Variants in TMCO4 observed in about 807,000 individuals in gnomAD.
TMCO4 encodes transmembrane and coiled-coil domains 4.
A neutral mutation model predicts 64.7 loss-of-function variants in TMCO4; 58 were observed. The ratio of observed to expected loss-of-function variants is 0.90; its 90% CI spans 0.73 to 1.12. The LOEUF (loss-of-function observed/expected upper bound fraction) is 1.12, where lower values mean the gene tolerates loss of function less well. TMCO4 is among the 50% of genes most tolerant of loss of function. TMCO4 has a pLI of 0.00. For synonymous variants in TMCO4, 325 were observed against 346.1 expected (o/e 0.94, Z 0.68); for missense variants, 780 against 825.9 (o/e 0.94, Z 0.68).
chr1:19,689,432 G>A (rs2100540866), intron 15 of TMCO4, among the ~76,000 whole-genome samples: 1 of 152,324 alleles, frequency 6.6e-6, no homozygotes, highest in East Asian at 1.9e-4. Context: ...AGGCCGGGAG[G>A]GACTAGGATT....
chr1:19,719,360 C>T (rs1460422218), intron 13 of TMCO4, among the ~76,000 whole-genome samples: 2 of 152,188 alleles, frequency 1.3e-5, no homozygotes, highest in African/African-American at 4.8e-5. Context: ...CCCTCACAGA[C>T]AGGAGAAATA....
intron 6 of TMCO4, among the ~76,000 whole-genome samples, chr1:19,769,228 TG>T (rs1011250070): frequency 1.3e-5 from 2 of 152,186 alleles, no homozygotes; most frequent in Admixed American, 6.5e-5. Context: ...AGGGCTGAGA[TG>T]TCACTTCTGA....
At chr1:19,759,702 T>A (rs549591942) in intron 6 of TMCO4, among the ~76,000 whole-genome samples, 1 of 152,070 alleles carries the variant, frequency 6.6e-6, no homozygotes, top group Non-Finnish European at 1.5e-5. Flanking sequence ...AAATATCACT[T>A]CCTTAGAGAA....
intron 6 of TMCO4, among the ~76,000 whole-genome samples, chr1:19,767,807 G>C (rs1334766297): frequency 1.3e-5 from 2 of 152,108 alleles, no homozygotes; most frequent in Non-Finnish European, 2.9e-5. Flanking sequence ...AAAATGAGAG[G>C]ATCGCCGGGC....
chr1:19,789,448 A>G (rs944307268), intron 2 of TMCO4, among the ~76,000 whole-genome samples: 29 of 152,158 alleles, frequency 1.9e-4, no homozygotes, highest in Non-Finnish European at 7.4e-5. Context: ...TCTTTCACAG[A>G]GCAAAAAGAT....
chr1:19,714,025 C>T (rs940589981), intron 13 of TMCO4, among the ~76,000 whole-genome samples: 3 of 152,172 alleles, frequency 2.0e-5, no homozygotes, highest in Non-Finnish European at 4.4e-5. Context: ...CAACTTCTAC[C>T]TCCCAGGTTC....
intron 6 of TMCO4, among the ~76,000 whole-genome samples, chr1:19,769,436 C>T (rs1335151206): frequency 6.6e-6 from 1 of 152,202 alleles, no homozygotes; most frequent in Non-Finnish European, 1.5e-5. Context: ...CACTGCACTG[C>T]TGCCCTGCTG....
In TMCO4 at chr1:19,682,830, TG is replaced by T; in HGVS notation, c.*209del. On this transcript the variant is annotated 3_prime_UTR_variant, in exon 16 of 16. Transcript: ENST00000294543. The stretch of plus-strand genomic sequence containing the variant: ...CAGCTGCTCCCTGGTGGGGCTCCTC[TG>T]GGGACAGGCAGCTTCCCAAGGGTGG... 1 of 759,684 alleles carries T rather than the reference TG, an allele frequency of 1.3e-6. No homozygotes were observed. Among genetic ancestry groups the T allele is most frequent in the Non-Finnish European group, 2.3e-6 (1 of 435,956 alleles). The allele number at this position is 759,684 out of a possible 1,614,324, so 47.1% of individuals were successfully genotyped here.
At chr1:19,731,821 C>T (rs770763113) in intron 13 of TMCO4, among the ~76,000 whole-genome samples, 21 of 152,204 alleles carry the variant, frequency 1.4e-4, no homozygotes, top group Non-Finnish European at 2.9e-4. Context: ...AGGGAGGTCA[C>T]ACTCGAGTGC....
At chr1:19,716,250 T>C (rs1258569768) in intron 13 of TMCO4, among the ~76,000 whole-genome samples, 1 of 150,706 alleles carries the variant, frequency 6.6e-6, no homozygotes, top group Non-Finnish European at 1.5e-5. Context: ...AGTGGCACAA[T>C]CTCTGCTCAC....
intron 4 of TMCO4, among the ~76,000 whole-genome samples, chr1:19,775,499 C>T (rs150110360): frequency 6.6e-6 from 1 of 152,344 alleles, no homozygotes; most frequent in East Asian, 1.9e-4. Context: ...GCTTAGAAAA[C>T]TACAGCTAAC....
intron 15 of TMCO4, among the ~76,000 whole-genome samples, chr1:19,684,403 G>A (rs1015508701): frequency 1.3e-5 from 2 of 152,106 alleles, no homozygotes; most frequent in Non-Finnish European, 2.9e-5. Context: ...TGGGATTACA[G>A]GCCTGAGGCA....
chr1:19,751,454 G>A (rs760974518), intron 7 of TMCO4, among the ~76,000 whole-genome samples: 29 of 152,054 alleles, frequency 1.9e-4, no homozygotes, highest in Admixed American at 3.3e-4. Context: ...AAAATTAGCC[G>A]GGCATGGTGG....
At chr1:19,757,169 C>T (rs1323775522) in intron 6 of TMCO4, among the ~76,000 whole-genome samples, 2 of 137,632 alleles carry the variant, frequency 1.5e-5, no homozygotes, top group Admixed American at 7.5e-5. Context: ...CGGGGGGGGG[C>T]GCCTGTAATT....
intron 15 of TMCO4, among the ~76,000 whole-genome samples, chr1:19,686,146 T>C (rs2095147639): frequency 6.6e-6 from 1 of 152,054 alleles, no homozygotes; most frequent in South Asian, 2.1e-4. Flanking sequence ...GGGGTGGCGG[T>C]TTGCTTAATG....
At chr1:19,777,026 CAAAAAAAAA>C (rs59722797) in intron 4 of TMCO4, among the ~76,000 whole-genome samples, 12 of 82,782 alleles carry the variant, frequency 1.4e-4, no homozygotes, top group Admixed American at 1.4e-3. Flanking sequence ...GACACTGTCT[CAAAAAAAAA>C]AAAAAAAAAA....
rs530431610 is a variant in TMCO4 at position 19,737,364 on chromosome 1, A to G, written c.1264+8T>C. 1 of 1,611,738 alleles carries G rather than the reference A, an allele frequency of 6.2e-7. No individual in the cohort carries two copies. Among genetic ancestry groups the G allele is most frequent in the South Asian group, 1.1e-5 (1 of 90,906 alleles). ...GGGTTTCCGTCTGTGACAATAATCC[A>G]TGCTCACCTTTCTCTTGAGCCATCT... On this transcript the variant is annotated splice_region_variant and intron_variant, in intron 13 of 15. Coordinates refer to ENST00000294543, the MANE Select transcript of TMCO4 (RefSeq NM_181719.7).
chr1:19,737,544 T>A (rs781773391), intron 12 of TMCO4, 88 bp from the exon 13 acceptor site: 1 of 1,155,254 alleles, frequency 8.7e-7, no homozygotes, highest in East Asian at 2.4e-5. Context: ...CTTTGCACAT[T>A]CCTTACCACC....
At chr1:19,727,973 A>G (rs370535143) in intron 13 of TMCO4, among the ~76,000 whole-genome samples, 15 of 152,328 alleles carry the variant, frequency 9.8e-5, no homozygotes, top group African/African-American at 3.6e-4. Context: ...CAAATACCAT[A>G]CGTTCTCATT....
Sources: allele counts gnomAD v4.1 joint callset (sites outside exome capture counted in the v4.1 genomes callset), GRCh38; gene constraint gnomAD v4.1.1; transcripts MANE v1.5; gene names NCBI Gene and HGNC (gene_info 2026-07-23, HGNC 2026-07-21).